TMEM266: variants seen among roughly 807,000 people sequenced by gnomAD.
TMEM266 encodes Hv1 related protein 1.
TMEM266 carries 33 observed loss-of-function variants against 50.5 expected under a neutral mutation model. That is an observed-to-expected ratio of 0.65 (90% CI 0.50 to 0.87). The LOEUF (loss-of-function observed/expected upper bound fraction) is 0.87. Among genes scored for constraint, TMEM266 ranks in the 40% least tolerant of loss-of-function variants. The probability of loss-of-function intolerance (pLI) is 0.00; values close to 1 mark genes in which losing one functional copy is unlikely to be tolerated. For missense variants in TMEM266, 655 were observed against 695.1 expected, an observed-to-expected ratio of 0.94 and a Z score of 0.65; for synonymous variants, 310 against 292.3, an observed-to-expected ratio of 1.06 and a Z score of -0.62.
chr15:76,179,450 C>G (rs546589338), intron 8 of TMEM266, among the ~76,000 whole-genome samples: 53 of 152,324 alleles, frequency 3.5e-4, no homozygotes, highest in African/African-American at 1.3e-3. Context: ...CACAGCTAGT[C>G]CAGGGGGGCA....
chr15:76,192,210 C>T (rs11631826), intron 9 of TMEM266, 53 bp downstream of exon 9: 2 of 1,379,690 alleles, frequency 1.4e-6, no homozygotes, highest in Non-Finnish European at 9.3e-7. Context: ...GGATCCCCCT[C>T]GCCTCCCTCT....
At position 76,168,145 on chromosome 15, in the gene TMEM266, A is replaced by T. The variant is rs1444516292; in HGVS notation, c.457-1671A>T. ...GCTCTGATCTCAAGACATTGTGGCC[A>T]CCCCACCCAGATCTCTCCCCACCCC... On this transcript the variant is annotated intron_variant, in intron 5 of 10. Coordinates refer to ENST00000388942, the MANE Select transcript of TMEM266 (RefSeq NM_152335.3). The surrounding 1 kb of genome is among the most constrained non-coding windows in gnomAD (Gnocchi z 4.4). 6.6e-6 allele frequency among the ~76,000 whole-genome samples: 1 copy of T among 152,096 alleles called. No individual in the cohort carries two copies. The highest frequency in any genetic ancestry group is 1.5e-5 in the Non-Finnish European group (1 of 68,012).
chr15:76,093,285 TC>T (rs1332273688), intron 1 of TMEM266, among the ~76,000 whole-genome samples: 1 of 151,602 alleles, frequency 6.6e-6, no homozygotes, highest in Non-Finnish European at 1.5e-5. Flanking sequence ...TATCCCTCCC[TC>T]TAGCCCCCCA....
At chr15:76,198,966 A>G (rs2038698808) in intron 9 of TMEM266, among the ~76,000 whole-genome samples, 1 of 152,284 alleles carries the variant, frequency 6.6e-6, no homozygotes, top group African/African-American at 2.4e-5. Context: ...CAGACTGAAA[A>G]GACCCCTCAT....
chr15:76,126,141 A>T (rs2037419507), intron 1 of TMEM266, among the ~76,000 whole-genome samples: 1 of 151,884 alleles, frequency 6.6e-6, no homozygotes, highest in Admixed American at 6.6e-5. Context: ...AGTATGGAAA[A>T]CAGTATGGAT....
In TMEM266 at chr15:76,116,431, T is replaced by A. The variant is rs368836623; in HGVS notation, c.-96-17737T>A. On this transcript the variant is annotated intron_variant, in intron 1 of 10. Transcript: ENST00000388942. ...CTCCCTCATCCTCAGGGAAGGGAAA[T>A]GCTCACATTCTTTACTCCTAGGAAT... is the stretch of plus-strand genomic sequence containing the variant. Among the ~76,000 whole-genome samples, 5 of 152,164 alleles carry A rather than the reference T, an allele frequency of 3.3e-5. No individual in the cohort carries two copies. In the South Asian group the frequency reaches 1.0e-3, roughly 32 times the overall value.
chr15:76,073,750 A>G (rs887803584), intron 1 of TMEM266, among the ~76,000 whole-genome samples: 3 of 152,240 alleles, frequency 2.0e-5, no homozygotes, highest in Non-Finnish European at 4.4e-5. Flanking sequence ...AAAAGACACC[A>G]CACTATCAAA....
At chr15:76,173,589 CAG>C (rs1204521503) in intron 7 of TMEM266, among the ~76,000 whole-genome samples, 5 of 152,152 alleles carry the variant, frequency 3.3e-5, no homozygotes, top group Admixed American at 1.3e-4. Context: ...ATCTGAGTAA[CAG>C]AGACTCAGAA....
intron 8 of TMEM266, among the ~76,000 whole-genome samples, chr15:76,184,787 C>T (rs949866818): frequency 2.6e-5 from 4 of 152,218 alleles, no homozygotes; most frequent in African/African-American, 9.6e-5. Flanking sequence ...TGGAAGGGGC[C>T]TGACTCACTC....
At chr15:76,175,204 T>C (rs1196932342) in intron 7 of TMEM266, 1 of 216,804 alleles carries the variant, frequency 4.6e-6, no homozygotes, top group Non-Finnish European at 9.2e-6. Context: ...CTCCTGCAGC[T>C]GCTGCATGCC....
chr15:76,136,200 C>T (rs972295614), intron 2 of TMEM266, among the ~76,000 whole-genome samples: 1 of 152,168 alleles, frequency 6.6e-6, no homozygotes, highest in Non-Finnish European at 1.5e-5. Context: ...GCCTTGGCCT[C>T]CCAAAGTGTT....
At chr15:76,167,104 T>C (rs1035554215) in intron 5 of TMEM266, among the ~76,000 whole-genome samples, 3 of 152,196 alleles carry the variant, frequency 2.0e-5, no homozygotes, top group African/African-American at 7.2e-5. Context: ...TAGATATGGC[T>C]ATTGTAGCAT....
intron 1 of TMEM266, among the ~76,000 whole-genome samples, chr15:76,122,526 C>T (rs753257189): frequency 2.0e-5 from 3 of 152,114 alleles, no homozygotes; most frequent in Non-Finnish European, 2.9e-5. Context: ...TAATTATATC[C>T]GGGTTCCTAA....
chr15:76,164,105 C>T (rs958943736), intron 5 of TMEM266, among the ~76,000 whole-genome samples: 6 of 152,300 alleles, frequency 3.9e-5, no homozygotes, highest in African/African-American at 9.6e-5. Context: ...GAACTTAACT[C>T]TTCCGGATAT....
chr15:76,138,878 G>C (rs975389002), intron 3 of TMEM266, among the ~76,000 whole-genome samples: 2 of 152,210 alleles, frequency 1.3e-5, no homozygotes, highest in African/African-American at 4.8e-5. Flanking sequence ...CAAGAGCTAG[G>C]TGGGGCAGGG....
chr15:76,198,210 G>A (rs1305406718), intron 9 of TMEM266, among the ~76,000 whole-genome samples: 3 of 152,110 alleles, frequency 2.0e-5, no homozygotes, highest in Non-Finnish European at 2.9e-5. Flanking sequence ...TCTACCTAAG[G>A]CCACACAGCA....
chr15:76,195,815 C>T (rs1455292604), intron 9 of TMEM266, among the ~76,000 whole-genome samples: 22 of 152,256 alleles, frequency 1.4e-4, no homozygotes, highest in Non-Finnish European at 1.5e-5. Context: ...CCCTGAACGC[C>T]AGATGCCACA....
chr15:76,190,636 C>A (rs1236278499), intron 8 of TMEM266, among the ~76,000 whole-genome samples: 1 of 152,172 alleles, frequency 6.6e-6, no homozygotes, highest in Non-Finnish European at 1.5e-5. Flanking sequence ...AAGGTGATTG[C>A]ATTTTTGGCT....
intron 1 of TMEM266, among the ~76,000 whole-genome samples, chr15:76,070,662 AC>A (rs1257137719): frequency 6.6e-6 from 1 of 152,212 alleles, no homozygotes; most frequent in African/African-American, 2.4e-5. Flanking sequence ...TTATTCCACC[AC>A]AGCTAGACTT....
Sources: allele counts gnomAD v4.1 joint callset (sites outside exome capture counted in the v4.1 genomes callset), GRCh38; gene constraint gnomAD v4.1.1; non-coding constraint Gnocchi (gnomAD v3.1); transcripts MANE v1.5; gene names NCBI Gene and HGNC (gene_info 2026-07-23, HGNC 2026-07-21).